LIPN: variants seen among roughly 807,000 people sequenced by gnomAD.
LIPN encodes lipase family member N, also known as lipase member N.
Under a neutral mutation model 43.7 loss-of-function variants are expected in LIPN, and 32 were observed. That is an observed-to-expected ratio of 0.73 (90% CI 0.55 to 0.98). The LOEUF (loss-of-function observed/expected upper bound fraction) is 0.98. Ranked by LOEUF, LIPN falls within the 50% of genes least tolerant of loss-of-function variation. LIPN has a pLI of 0.00. For synonymous variants in LIPN, 156 were observed against 157.6 expected, an observed-to-expected ratio of 0.99 and a Z score of 0.08; for missense variants, 505 against 483.8, an observed-to-expected ratio of 1.04 and a Z score of -0.41.
At chr10:88,770,133 G>T (rs555366923) in intron 6 of LIPN, among the ~76,000 whole-genome samples, 10 of 151,548 alleles carry the variant, frequency 6.6e-5, no homozygotes, top group African/African-American at 2.4e-4. Context: ...CTTTTCTTCC[G>T]TCAGTTTCCC....
At chr10:88,758,364 T>TAAA (rs11369310), upstream of LIPN, among the ~76,000 whole-genome samples, 8 of 141,392 alleles carry the variant, frequency 5.7e-5, no homozygotes, top group Admixed American at 7.1e-5. Flanking sequence ...CTAATTTTAT[T>TAAA]AAAAAAAAAA....
At position 88,764,593 on chromosome 10, in the gene LIPN, A is replaced by G. The variant is rs1163692922; in HGVS notation, c.410A>G (p.Lys137Arg). 1 of 1,601,950 alleles carries G rather than the reference A, an allele frequency of 6.2e-7. No homozygotes were observed. Among genetic ancestry groups the G allele is most frequent in the East Asian group, 2.2e-5 (1 of 44,546 alleles). Residue 137 changes from lysine to arginine, a missense_variant, in exon 4 of 10, where the codon AAA (lysine) becomes AGA (arginine). By Grantham distance (26) the Lys-to-Arg change is conservative (BLOSUM62 2). Transcript: ENST00000404459. ...AAAACACTCTCAGAGACAGATGAGA[A>G]ATTCTGGGCCTTTAGGTAAATATTA... The part of the protein sequence containing the change: ...RHKTLSETDE[K>R]FWAFSFDEMA...
rs773681389 is a variant in LIPN, at chr10:88,761,371, C to A, written c.-8-27C>A. 2.1e-5 allele frequency: 26 copies of A among 1,249,972 alleles called. 1 individual carries two copies. The South Asian group carries it at 3.0e-4, about 14-fold the overall frequency. The allele number at this position is 1,249,972 out of a possible 1,614,324, so 77.4% of individuals were successfully genotyped here. ...ATCAACATTGATAGTTAAAATTAAT[C>A]TGTGAATATTAAATGTTTTATGCCA... On this transcript the variant is annotated intron_variant, in intron 1 of 9. Coordinates refer to ENST00000404459, the MANE Select transcript of LIPN (RefSeq NM_001102469.2).
chr10:88,770,639 G>A (rs1018012247), intron 6 of LIPN, among the ~76,000 whole-genome samples: 15 of 151,796 alleles, frequency 9.9e-5, no homozygotes, highest in African/African-American at 3.6e-4. Flanking sequence ...CCCCAAGCAT[G>A]GCTCTTTCCT....
intron 6 of LIPN, 24 bp from the exon 7 acceptor site, chr10:88,770,821 G>A: frequency 7.3e-7 from 1 of 1,369,544 alleles, no homozygotes; most frequent in Non-Finnish European, 1.0e-6. Flanking sequence ...CTCATTCAAA[G>A]ATAATTATTA....
In LIPN at chr10:88,762,194, A is replaced by C. The variant is rs1288805089; in HGVS notation, c.115A>C (p.Ile39Leu). The C allele has an allele frequency of 6.4e-7, 1 of 1,573,192 alleles. No individual in the cohort carries two copies. The highest frequency in any genetic ancestry group is 8.7e-7 in the Non-Finnish European group (1 of 1,146,818). Residue 39 changes from isoleucine (I) to leucine (L), a missense_variant, in exon 3 of 10, where the codon ATC becomes CTC. Physicochemically the swap from Ile to Leu is conservative, Grantham distance 5. Transcript: ENST00000404459. ...NPEVWMNTSE[I>L]IIYNGYPSEE... Reference sequence around the variant, plus strand: ...CTGTATTTTTACTGGGCAGAGTGAAATCATCATCTACAATGGCTACCCCAG... The same window carrying C: ...CTGTATTTTTACTGGGCAGAGTGAACTCATCATCTACAATGGCTACCCCAG...
At position 88,764,422 on chromosome 10, in the gene LIPN, T is replaced by C. The variant is rs549198749; in HGVS notation, c.239T>C (p.Val80Ala). The change falls in exon 4 of 10, where the codon GTT (valine) becomes GCT (alanine). Residue 80 changes from valine (V) to alanine (A), a missense_variant. By Grantham distance (64) the Val-to-Ala change is moderately conservative. Transcript: ENST00000404459. ...TTTCCCCCACCAGGTCCCCGGCCAG[T>C]TGTGTATATGCAGCATGCCCTGTTT... is the stretch of plus-strand genomic sequence containing the variant. ...THARSTGPRP[V>A]VYMQHALFAD... is the part of the protein sequence containing the mutation. 5.0e-6 allele frequency: 8 copies of C among 1,610,816 alleles called. No individual in the cohort carries two copies. The African/African-American group carries it at 6.7e-5, about 13-fold the overall frequency.
intron 3 of LIPN, among the ~76,000 whole-genome samples, chr10:88,763,739 G>A (rs966575778): frequency 6.6e-6 from 1 of 151,988 alleles, no homozygotes; most frequent in Non-Finnish European, 1.5e-5. Flanking sequence ...CTCTCCCTCA[G>A]AAATCTGGAA....
chr10:88,773,521 A>T (rs1256830947), intron 7 of LIPN, among the ~76,000 whole-genome samples: 1 of 151,838 alleles, frequency 6.6e-6, no homozygotes, highest in African/African-American at 2.4e-5. Context: ...GGGAGATGGG[A>T]TCCCCTCTTT....
rs1309682167 is a variant in LIPN, at chr10:88,760,541, A to T, written c.-9+435A>T. ...AAATATTACTTTGTTATAGTGAATT[A>T]TCTGTAATATTTATCTCTTGCTCAC... On this transcript the variant is annotated intron_variant, in intron 1 of 9. Coordinates refer to ENST00000404459, the MANE Select transcript of LIPN (RefSeq NM_001102469.2). 2.0e-5 allele frequency among the ~76,000 whole-genome samples: 3 copies of T among 152,146 alleles called. No individual in the cohort carries two copies. In the East Asian group the frequency reaches 5.8e-4, roughly 29 times the overall value.
chr10:88,757,494 T>C (rs776604682), upstream of LIPN, among the ~76,000 whole-genome samples: 4 of 152,172 alleles, frequency 2.6e-5, no homozygotes, highest in Non-Finnish European at 5.9e-5. Context: ...AAACTTATTA[T>C]GGCCTCTTCA....
At chr10:88,775,403 C>T (rs1226231781) in intron 9 of LIPN, among the ~76,000 whole-genome samples, 1 of 151,810 alleles carries the variant, frequency 6.6e-6, no homozygotes, top group Admixed American at 6.6e-5. Flanking sequence ...GATGTACTAA[C>T]ATTTTGGTGT....
At chr10:88,764,635 G>A in intron 4 of LIPN, 27 bp downstream of exon 4, 5 of 1,518,538 alleles carry the variant, frequency 3.3e-6, no homozygotes, top group Non-Finnish European at 4.5e-6. Flanking sequence ...AAAACTCAAG[G>A]GGGAAATTGG....
intron 2 of LIPN, 74 bp from the exon 3 acceptor site, chr10:88,762,112 CAA>C (rs1340034734): frequency 1.4e-6 from 1 of 731,798 alleles, no homozygotes; most frequent in East Asian, 2.7e-5. Context: ...AATAAGCACA[CAA>C]CAGATGGTTT....
At chr10:88,766,739 A>C (rs1393182436) in intron 5 of LIPN, among the ~76,000 whole-genome samples, 1 of 151,980 alleles carries the variant, frequency 6.6e-6, no homozygotes, top group Non-Finnish European at 1.5e-5. Flanking sequence ...CTGAAACATA[A>C]TAAATGTGCA....
chr10:88,762,119 T>A (rs907815689), intron 2 of LIPN, 69 bp from the exon 3 acceptor site: 2 of 758,008 alleles, frequency 2.6e-6, no homozygotes, highest in Non-Finnish European at 4.6e-6. Flanking sequence ...ACACAACAGA[T>A]GGTTTGTTTT....
chr10:88,772,801 A>C (rs1453792515), intron 7 of LIPN, among the ~76,000 whole-genome samples: 1 of 151,772 alleles, frequency 6.6e-6, no homozygotes, highest in Non-Finnish European at 1.5e-5. Flanking sequence ...TGCAGGATAC[A>C]ACATCAACAT....
chr10:88,764,423 T>G lies in LIPN; in HGVS notation c.240T>G (p.Val80=). 1 of 1,610,964 alleles carries G rather than the reference T, an allele frequency of 6.2e-7. No homozygotes were observed. The highest frequency in any genetic ancestry group is 1.1e-5 in the South Asian group (1 of 90,682). The change falls in exon 4 of 10, where the codon GTT becomes GTG. Residue 80 remains valine, a synonymous_variant. Transcript: ENST00000404459. ...THARSTGPRP[V]VYMQHALFAD... The stretch of plus-strand genomic sequence containing the variant: ...TTCCCCCACCAGGTCCCCGGCCAGT[T>G]GTGTATATGCAGCATGCCCTGTTTG...
chr10:88,774,042 A>G (rs1301729476), intron 7 of LIPN, among the ~76,000 whole-genome samples: 4 of 152,028 alleles, frequency 2.6e-5, no homozygotes, highest in African/African-American at 9.7e-5. Flanking sequence ...AAGATGTTAA[A>G]TATGGTGGCC....
Sources: gnomAD v4.1 joint callset for allele counts (sites outside exome capture counted in the v4.1 genomes callset) on GRCh38, gnomAD v4.1.1 for gene constraint, MANE v1.5 for transcripts, NCBI Gene and HGNC (gene_info 2026-07-23, HGNC 2026-07-21) for gene names.